The following NAV3 variants were observed in gnomAD, a reference collection of about 807,000 sequenced individuals.
NAV3 encodes the protein pore membrane and/or filament interacting like protein 1.
A neutral mutation model predicts 244.7 loss-of-function variants in NAV3; 87 were observed. The observed-to-expected ratio is 0.36, with a 90% confidence interval of 0.30 to 0.42. NAV3 has a LOEUF of 0.42. Ranked by LOEUF, NAV3 falls within the 20% of genes least tolerant of loss-of-function variation. The probability of loss-of-function intolerance (pLI) is 1.00; values close to 1 mark genes in which losing one functional copy is unlikely to be tolerated. For missense variants in NAV3, 2,663 were observed against 2,893.3 expected (o/e 0.92, Z 1.83); for synonymous variants, 1,126 against 1,042.2 (o/e 1.08, Z -1.55).
intron 3 of NAV3, among the ~76,000 whole-genome samples, chr12:77,943,623 G>C (rs975396870): frequency 2.6e-5 from 4 of 152,180 alleles, no homozygotes; most frequent in Non-Finnish European, 5.9e-5. Flanking sequence ...AGCATGACTA[G>C]GCTTATGAAT....
At chr12:77,820,501 T>G (rs1188303656) in intron 2 of NAV3, among the ~76,000 whole-genome samples, 1 of 152,146 alleles carries the variant, frequency 6.6e-6, no homozygotes, top group African/African-American at 2.4e-5. Flanking sequence ...ATTCAATCAC[T>G]TTCCAAAGGC....
intron 2 of NAV3, among the ~76,000 whole-genome samples, chr12:77,615,500 T>A (rs1025905962): frequency 1.3e-5 from 2 of 152,134 alleles, no homozygotes; most frequent in African/African-American, 2.4e-5. Context: ...TTAGTTTGCA[T>A]AGGATAATGA....
At chr12:78,000,713 C>T (rs930898627) in intron 7 of NAV3, among the ~76,000 whole-genome samples, 2 of 149,526 alleles carry the variant, frequency 1.3e-5, no homozygotes, top group African/African-American at 4.9e-5. Context: ...CCGTGTTAGC[C>T]AGGATGGTCT....
At position 78,139,968 on chromosome 12, in the gene NAV3, C is replaced by T. The variant is rs1453240255; in HGVS notation, c.4631-314C>T. Among the ~76,000 whole-genome samples the T allele has an allele frequency of 2.6e-5, 4 of 152,026 alleles. No individual in the cohort carries two copies. The East Asian group carries it at 7.7e-4, about 29-fold the overall frequency. Reference sequence around the variant, plus strand: ...TTATGGCAACTTTAGTTTGGGTTTCCATGCTATTCTATTTATTATATGGGA... The same window carrying T: ...TTATGGCAACTTTAGTTTGGGTTTCTATGCTATTCTATTTATTATATGGGA... On this transcript the variant is annotated intron_variant, in intron 19 of 39. Transcript: ENST00000397909.
chr12:78,123,964 T>C (rs1177625370), intron 16 of NAV3, among the ~76,000 whole-genome samples: 2 of 152,210 alleles, frequency 1.3e-5, no homozygotes, highest in Non-Finnish European at 1.5e-5. Flanking sequence ...TTAAAATAGA[T>C]AAACAACCTA....
intron 2 of NAV3, among the ~76,000 whole-genome samples, chr12:77,649,581 G>A (rs1354993085): frequency 6.6e-6 from 1 of 152,004 alleles, no homozygotes; most frequent in Non-Finnish European, 1.5e-5. Flanking sequence ...GAAATAGAAA[G>A]ATAGTCTTTA....
rs1199229066 is a variant in NAV3 at position 78,209,219 on chromosome 12, G to A, written c.7039-1179G>A. Among the ~76,000 whole-genome samples, 3 of 151,982 alleles carry A rather than the reference G, an allele frequency of 2.0e-5. No homozygotes were observed. The East Asian group carries it at 5.8e-4, about 29-fold the overall frequency. On this transcript the variant is annotated intron_variant, in intron 39 of 39. Transcript: ENST00000397909. ...CAGAAAGGAATTCTTGCTGAAATTG[G>A]TGATTACCAGTTTATCATTTATTTC...
Position 78,199,521 on chromosome 12 carries a change from C to G in NAV3, c.6705C>G (p.Asp2235Glu), listed in dbSNP as rs35840937. Residue 2235 changes from aspartate (D) to glutamate (E), a missense_variant, in exon 37 of 40, where the codon GAC (aspartate) becomes GAG (glutamate). By Grantham distance (45) the Asp-to-Glu change is conservative. Coordinates refer to ENST00000397909, the MANE Select transcript of NAV3 (RefSeq NM_001024383.2). ...TTTTGGAAACACACAGTTCTTCTGA[C>G]GTTACCATTGGTGAGTTCCAAAATT... Reference protein sequence around the residue: ...NSFLETHSSSDVTIGPRLFLP... With the variant: ...NSFLETHSSSEVTIGPRLFLP... 6.3e-7 allele frequency: 1 copy of G among 1,586,044 alleles called. No homozygotes were observed. Among genetic ancestry groups the G allele is most frequent in the South Asian group, 1.2e-5 (1 of 86,844 alleles).
At chr12:77,679,763 A>G (rs567167042) in intron 2 of NAV3, among the ~76,000 whole-genome samples, 2 of 152,272 alleles carry the variant, frequency 1.3e-5, no homozygotes, top group African/African-American at 4.8e-5. Flanking sequence ...AAAAGACAAG[A>G]TGCATTTGAG....
At chr12:78,102,763 G>T (rs963691848) in intron 12 of NAV3, among the ~76,000 whole-genome samples, 2 of 152,206 alleles carry the variant, frequency 1.3e-5, no homozygotes, top group African/African-American at 4.8e-5. Context: ...CTACCACGTG[G>T]AAGCTGCCAA....
At chr12:77,870,363 CAAAA>C (rs34447700) in intron 1 of NAV3, among the ~76,000 whole-genome samples, 5 of 109,564 alleles carry the variant, frequency 4.6e-5, no homozygotes, top group East Asian at 2.5e-4. Flanking sequence ...GACTCCATCT[CAAAA>C]AAAAAAAAAA....
chr12:77,765,264 C>T (rs1364731856), intron 2 of NAV3, among the ~76,000 whole-genome samples: 3 of 152,196 alleles, frequency 2.0e-5, no homozygotes, highest in Non-Finnish European at 4.4e-5. Context: ...TCTCTATTGC[C>T]TCTCAAAATA....
intron 12 of NAV3, among the ~76,000 whole-genome samples, chr12:78,090,644 G>T (rs1953876360): frequency 6.6e-6 from 1 of 151,982 alleles, no homozygotes; most frequent in Non-Finnish European, 1.5e-5. Flanking sequence ...GTAGGTTCTG[G>T]TTGTAATTGA....
chr12:77,698,800 C>G (rs1233971635), intron 2 of NAV3, among the ~76,000 whole-genome samples: 1 of 152,086 alleles, frequency 6.6e-6, no homozygotes, highest in Admixed American at 6.6e-5. Context: ...CAAGCCCTAA[C>G]AGCTGGAATT....
At chr12:77,807,044 A>G (rs1343871734) in intron 2 of NAV3, among the ~76,000 whole-genome samples, 1 of 151,784 alleles carries the variant, frequency 6.6e-6, no homozygotes, top group Admixed American at 6.6e-5. Flanking sequence ...ACATTCCTCC[A>G]TCCATTTGTT....
rs561399250 is a variant in NAV3 at position 78,212,397 on chromosome 12, A to C, written c.*1880A>C. On this transcript the variant is annotated 3_prime_UTR_variant, in exon 40 of 40. Coordinates refer to ENST00000397909, the MANE Select transcript of NAV3 (RefSeq NM_001024383.2). The stretch of plus-strand genomic sequence containing the variant: ...ATGGGTCAGTTGCTATAGAACAACA[A>C]CACCACGAAACATCTGTGCAGTTTT... 2.6e-5 allele frequency: 4 copies of C among 152,788 alleles called. No homozygotes were observed. The East Asian group carries it at 5.8e-4, about 22-fold the overall frequency. 9.5% of individuals were successfully genotyped at this position (152,788 alleles called of 1,614,324 possible).
At chr12:77,880,285 C>G (rs1213327822) in intron 1 of NAV3, among the ~76,000 whole-genome samples, 1 of 152,138 alleles carries the variant, frequency 6.6e-6, no homozygotes, top group Non-Finnish European at 1.5e-5. Context: ...GAAAACCTTT[C>G]TTTGGCAAAT....
chr12:77,844,688 C>T (rs939159188), intron 1 of NAV3, among the ~76,000 whole-genome samples: 17 of 151,970 alleles, frequency 1.1e-4, no homozygotes, highest in African/African-American at 3.6e-4. Context: ...AATATTTTTT[C>T]GTTGGGCAGA....
intron 2 of NAV3, among the ~76,000 whole-genome samples, chr12:77,766,930 T>C (rs927703060): frequency 7.3e-5 from 11 of 151,646 alleles, no homozygotes; most frequent in Non-Finnish European, 1.5e-4. Context: ...AATTTTTATA[T>C]TTTAGTAGAG....
Sources: allele counts gnomAD v4.1 joint callset (sites outside exome capture counted in the v4.1 genomes callset), GRCh38; gene constraint gnomAD v4.1.1; transcripts MANE v1.5; gene names NCBI Gene and HGNC (gene_info 2026-07-23, HGNC 2026-07-21).